CYB5A: variants seen among roughly 807,000 people sequenced by gnomAD.
CYB5A encodes the protein cytochrome b5.
CYB5A carries 10 observed loss-of-function variants against 16.2 expected under a neutral mutation model. The observed-to-expected ratio is 0.62, with a 90% CI of 0.38 to 1.04. The LOEUF (loss-of-function observed/expected upper bound fraction) is 1.04, where lower values mean the gene tolerates loss of function less well. Ranked by LOEUF, CYB5A falls within the 50% of genes least tolerant of loss-of-function variation. The pLI is 0.01. For synonymous variants in CYB5A, 62 were observed against 57.0 expected (o/e 1.09, Z -0.40); for missense variants, 161 against 165.9 (o/e 0.97, Z 0.16).
At position 74,291,753 on chromosome 18, in the gene CYB5A, C is replaced by T. The variant is rs368287511; in HGVS notation, c.123G>A (p.Leu41=). The T allele has an allele frequency of 7.4e-6, 12 of 1,613,744 alleles. No individual in the cohort carries two copies. The highest frequency in any genetic ancestry group is 1.0e-5 in the Non-Finnish European group (12 of 1,179,806). The part of the protein sequence containing the change: ...HHKVYDLTKF[L]EEHPGGEEVL... ...CCGCTCATCCCCAACTCACCTCTTC[C>T]AGAAATTTGGTCAAATCGTACACCT... The change falls in exon 1 of 5, where the codon CTG becomes CTA. Residue 41 remains leucine, a synonymous_variant. Transcript: ENST00000340533.
intron 4 of CYB5A, among the ~76,000 whole-genome samples, chr18:74,255,199 C>G (rs368043033): frequency 6.6e-6 from 1 of 152,112 alleles, no homozygotes; most frequent in East Asian, 1.9e-4. Flanking sequence ...AAAAAAGTGG[C>G]TACTACTGAA....
At chr18:74,256,664 C>G in intron 3 of CYB5A, 1 of 646,096 alleles carries the variant, frequency 1.5e-6, no homozygotes, top group South Asian at 2.1e-5. Flanking sequence ...AATAAGACAG[C>G]TTCAGATCTG....
intron 1 of CYB5A, among the ~76,000 whole-genome samples, chr18:74,280,412 A>AC: frequency 6.6e-6 from 1 of 151,710 alleles, no homozygotes; most frequent in Admixed American, 6.6e-5. Context: ...CTCTACAAAA[A>AC]AAAAAAAAAA....
intron 1 of CYB5A, among the ~76,000 whole-genome samples, chr18:74,281,743 C>CTGTGTGTGTGTG (rs112934460): frequency 0.049 from 6,857 of 138,712 alleles, 339 homozygotes; most frequent in East Asian, 0.27. Context: ...TCAAGGGAGG[C>CTGTGTGTGTGTG]TGTGTGTGTG....
At chr18:74,282,420 A>T (rs754373288) in intron 1 of CYB5A, among the ~76,000 whole-genome samples, 19 of 152,162 alleles carry the variant, frequency 1.2e-4, no homozygotes, top group Non-Finnish European at 2.4e-4. Flanking sequence ...GGGGGAAAAA[A>T]ATAAGATAGT....
At chr18:74,270,721 T>C (rs183089692) in intron 1 of CYB5A, among the ~76,000 whole-genome samples, 47 of 152,340 alleles carry the variant, frequency 3.1e-4, no homozygotes, top group African/African-American at 8.4e-4. Flanking sequence ...AGATTTAAAA[T>C]ATTCAGGAGG....
intron 2 of CYB5A, 46 bp from the exon 3 acceptor site, chr18:74,260,990 A>G (rs756646101): frequency 1.4e-6 from 2 of 1,450,652 alleles, no homozygotes; most frequent in East Asian, 2.3e-5. Flanking sequence ...AAAATCTATG[A>G]AAGTACCACT....
rs1227891166 is a variant in CYB5A at position 74,260,956 on chromosome 18, A to C, written c.259-12T>G. On this transcript the variant is annotated splice_polypyrimidine_tract_variant and intron_variant, in intron 2 of 4. Transcript: ENST00000340533. ...TTTGGTCTGTCATCCTGCAATGAAA[A>C]GATAAGGCACATTATGGAATTTAAA... 8.7e-6 allele frequency: 14 copies of C among 1,609,088 alleles called. No homozygotes were observed. In the Admixed American group the frequency reaches 1.3e-4, roughly 15 times the overall value.
chr18:74,262,732 C>G (rs1310612398), intron 2 of CYB5A, among the ~76,000 whole-genome samples: 1 of 152,128 alleles, frequency 6.6e-6, no homozygotes, highest in Non-Finnish European at 1.5e-5. Context: ...GGAAAGAAAG[C>G]AATGCTGGGT....
intron 1 of CYB5A, among the ~76,000 whole-genome samples, chr18:74,289,585 GGC>G (rs1186892369): frequency 6.6e-6 from 1 of 152,058 alleles, no homozygotes; most frequent in Non-Finnish European, 1.5e-5. Flanking sequence ...AGACCAACTT[GGC>G]CAACATGTTG....
chr18:74,255,888 A>G (rs1215208508), intron 3 of CYB5A, 113 bp from the exon 4 acceptor site: 1 of 830,308 alleles, frequency 1.2e-6, no homozygotes, highest in Non-Finnish European at 2.1e-6. Context: ...TGCATTCTTC[A>G]GAAGATGTCG....
intron 1 of CYB5A, among the ~76,000 whole-genome samples, chr18:74,265,398 A>AG (rs1331294808): frequency 6.6e-6 from 1 of 152,206 alleles, no homozygotes; most frequent in Non-Finnish European, 1.5e-5. Flanking sequence ...AATAAAAAGG[A>AG]GGTGATACAT....
At chr18:74,289,711 G>A (rs1983455750) in intron 1 of CYB5A, among the ~76,000 whole-genome samples, 1 of 151,398 alleles carries the variant, frequency 6.6e-6, no homozygotes, top group South Asian at 2.1e-4. Context: ...AGGAGGCAGA[G>A]GTTGCAGTGA....
chr18:74,273,722 T>TCCC lies in CYB5A; in HGVS notation c.130-10246_130-10245insGGG, dbSNP rs1982760003. Among the ~76,000 whole-genome samples the TCCC allele has an allele frequency of 3.3e-5, 5 of 152,368 alleles. No individual in the cohort carries two copies. The South Asian group carries it at 1.0e-3, about 32-fold the overall frequency. ...AGGTGGGATTCACCTGCTCCTGGGATTCTTCCTGCAGGAGAGATGCCAAGG... is the reference window on the plus strand; with the variant it reads ...AGGTGGGATTCACCTGCTCCTGGGATCCCTCTTCCTGCAGGAGAGATGCCAAGG... On this transcript the variant is annotated intron_variant, in intron 1 of 4. Coordinates refer to ENST00000340533, the MANE Select transcript of CYB5A (RefSeq NM_148923.4).
intron 1 of CYB5A, among the ~76,000 whole-genome samples, chr18:74,269,913 G>A (rs1434679170): frequency 2.0e-5 from 3 of 152,158 alleles, no homozygotes; most frequent in Admixed American, 6.5e-5. Flanking sequence ...TCATGCTTGC[G>A]TAGTCTAGAG....
At position 74,280,991 on chromosome 18, in the gene CYB5A, G is replaced by A. The variant is rs537748780; in HGVS notation, c.129+10756C>T. ...CTATTATGGTGAGAATATGCTGTCG[G>A]GGGCAGGAGGGGACCACGCGAGAGA... On this transcript the variant is annotated intron_variant, in intron 1 of 4. Transcript: ENST00000340533. Among the ~76,000 whole-genome samples, 5 of 152,276 alleles carry A rather than the reference G, an allele frequency of 3.3e-5. No homozygotes were observed. The East Asian group carries it at 5.8e-4, about 18-fold the overall frequency.
chr18:74,289,111 C>T (rs1983431364), intron 1 of CYB5A, among the ~76,000 whole-genome samples: 1 of 152,196 alleles, frequency 6.6e-6, no homozygotes, highest in South Asian at 2.1e-4. Context: ...ACGCCATCCT[C>T]CTAGCCGTTC....
At chr18:74,274,223 G>T (rs529488743) in intron 1 of CYB5A, among the ~76,000 whole-genome samples, 2 of 152,308 alleles carry the variant, frequency 1.3e-5, no homozygotes, top group Non-Finnish European at 2.9e-5. Context: ...TCTTGGGATG[G>T]GTTTGTATGT....
At chr18:74,260,791 T>C in intron 3 of CYB5A, 124 bp downstream of exon 3, 1 of 829,150 alleles carries the variant, frequency 1.2e-6, no homozygotes, top group Non-Finnish European at 2.1e-6. Flanking sequence ...GTAGGTTACA[T>C]ATTCATTTAT....
Sources: gnomAD v4.1 joint callset for allele counts (sites outside exome capture counted in the v4.1 genomes callset) on GRCh38, gnomAD v4.1.1 for gene constraint, MANE v1.5 for transcripts, NCBI Gene and HGNC (gene_info 2026-07-23, HGNC 2026-07-21) for gene names.